STX1A: variants seen among roughly 807,000 people sequenced by gnomAD.
The protein encoded by STX1A is syntaxin-1A.
Under a neutral mutation model 37.8 loss-of-function variants are expected in STX1A, and 4 were observed. The ratio of observed to expected loss-of-function variants is 0.11; its 90% confidence interval spans 0.05 to 0.24. The LOEUF is 0.24. Ranked by LOEUF, STX1A falls within the 10% of genes least tolerant of loss-of-function variation. STX1A has a pLI of 1.00. For synonymous variants in STX1A, 135 were observed against 147.4 expected (o/e 0.92, Z 0.61); for missense variants, 251 against 399.9 (o/e 0.63, Z 3.18).
rs1584237399 is a variant in STX1A, at chr7:73,700,600, G to T, written c.790-116C>A. On this transcript the variant is annotated intron_variant, in intron 9 of 9. Transcript: ENST00000222812. The surrounding 1 kb of genome is among the most constrained non-coding windows in gnomAD (Gnocchi z 4.4). ...GGGGATCCAAGCAGGGGAAGGTGACGGCCTGGGAGGGGGCTGTCATGGGGA... is the reference window on the plus strand; with the variant it reads ...GGGGATCCAAGCAGGGGAAGGTGACTGCCTGGGAGGGGGCTGTCATGGGGA... 1 of 1,490,874 alleles carries T rather than the reference G, an allele frequency of 6.7e-7. No individual in the cohort carries two copies. 92.4% of individuals were successfully genotyped at this position (1,490,874 alleles called of 1,614,324 possible). A position where few individuals can be genotyped will look rare whatever the true frequency, so the allele number is the denominator to read the frequency against.
intron 6 of STX1A, 60 bp downstream of exon 6, chr7:73,704,088 A>C (rs567228051): frequency 6.0e-6 from 9 of 1,510,082 alleles, no homozygotes; most frequent in South Asian, 1.2e-5. Flanking sequence ...ACTCAGCAGC[A>C]GACTCGGGCC....
chr7:73,704,074 ACGCACTCAGCAGCAGACTCGGGCCC>A lies in STX1A; in HGVS notation c.466+49_466+73del, dbSNP rs1798775067. On this transcript the variant is annotated intron_variant, in intron 6 of 9. Transcript: ENST00000222812. ...CCTAACTAAGCAGCAGCCTTGAGCCACGCACTCAGCAGCAGACTCGGGCCCCGCCCCTCCAGGCTCCAGGCCCCGC... is the reference window on the plus strand; with the variant it reads ...CCTAACTAAGCAGCAGCCTTGAGCCACGCCCCTCCAGGCTCCAGGCCCCGC... 3 of 1,456,408 alleles carry A rather than the reference ACGCACTCAGCAGCAGACTCGGGCCC, an allele frequency of 2.1e-6. No individual in the cohort carries two copies. In the South Asian group the frequency reaches 3.7e-5, roughly 18 times the overall value. 90.2% of individuals were successfully genotyped at this position (1,456,408 alleles called of 1,614,324 possible).
At chr7:73,710,755 G>A (rs782301445) in intron 1 of STX1A, among the ~76,000 whole-genome samples, 3 of 152,194 alleles carry the variant, frequency 2.0e-5, no homozygotes, top group Non-Finnish European at 2.9e-5. Flanking sequence ...AGTGCCTCAC[G>A]GGAGTGGCCA....
intron 8 of STX1A, among the ~76,000 whole-genome samples, chr7:73,701,647 C>G (rs973023612): frequency 1.3e-5 from 2 of 152,216 alleles, no homozygotes; most frequent in Non-Finnish European, 2.9e-5. Flanking sequence ...CCACAAGACT[C>G]CTAGGGCGTG....
chr7:73,700,649 T>C lies in STX1A; in HGVS notation c.789+81A>G. 4 of 1,531,216 alleles carry C rather than the reference T, an allele frequency of 2.6e-6. No individual in the cohort carries two copies. The highest frequency in any genetic ancestry group is 3.5e-6 in the Non-Finnish European group (4 of 1,130,506). 94.9% of individuals were successfully genotyped at this position (1,531,216 alleles called of 1,614,324 possible). A position where few individuals can be genotyped will look rare whatever the true frequency, so the allele number is the denominator to read the frequency against. The stretch of plus-strand genomic sequence containing the variant: ...GAGCTCCTGAGAGAAGGGAGAGAGG[T>C]GGGATGGGGAGGGATGTGGGATGGT... On this transcript the variant is annotated intron_variant, in intron 9 of 9. Transcript: ENST00000222812. The surrounding 1 kb of genome is among the most constrained non-coding windows in gnomAD (Gnocchi z 4.4).
chr7:73,702,719 T>G lies in STX1A; in HGVS notation c.678+126A>C. 3 of 1,544,324 alleles carry G rather than the reference T, an allele frequency of 1.9e-6. No individual in the cohort carries two copies. The highest frequency in any genetic ancestry group is 1.9e-5 in the Admixed American group (1 of 53,494). Reference sequence around the variant, plus strand: ...CCCTGGCGGCAGTTTCAACAGCGGGTGATTGGTTACCTGAGAACTTGGTCC... The same window carrying G: ...CCCTGGCGGCAGTTTCAACAGCGGGGGATTGGTTACCTGAGAACTTGGTCC... On this transcript the variant is annotated intron_variant, in intron 8 of 9. Transcript: ENST00000222812. This position sits in a 1 kb window ranked among gnomAD's most constrained non-coding sequence, Gnocchi z 4.7.
At chr7:73,708,974 T>A in intron 2 of STX1A, 71 bp downstream of exon 2, 1 of 1,553,400 alleles carries the variant, frequency 6.4e-7, no homozygotes, top group South Asian at 1.1e-5. Flanking sequence ...GCACTGAACC[T>A]GGCTCAGAGG....
rs1346214112 is a variant in STX1A, at chr7:73,709,494, T to C, written c.31-372A>G. Reference sequence around the variant, plus strand: ...CCCCTAGGCCCCTAGGACAGCTGCCTGGAAAGTGCATTCTCTACTCTCCTG... The same window carrying C: ...CCCCTAGGCCCCTAGGACAGCTGCCCGGAAAGTGCATTCTCTACTCTCCTG... On this transcript the variant is annotated intron_variant, in intron 1 of 9. Transcript: ENST00000222812. This position sits in a 1 kb window ranked among gnomAD's most constrained non-coding sequence, Gnocchi z 4.2. 2.6e-5 allele frequency among the ~76,000 whole-genome samples: 4 copies of C among 152,124 alleles called. No homozygotes were observed. The highest frequency in any genetic ancestry group is 9.7e-5 in the African/African-American group (4 of 41,416).
At position 73,700,378 on chromosome 7, in the gene STX1A, C is replaced by T; in HGVS notation, c.*29G>A. On this transcript the variant is annotated 3_prime_UTR_variant, in exon 10 of 10. Coordinates refer to ENST00000222812, the MANE Select transcript of STX1A (RefSeq NM_004603.4). This position sits in a 1 kb window ranked among gnomAD's most constrained non-coding sequence, Gnocchi z 4.4. The stretch of plus-strand genomic sequence containing the variant: ...CCAGGGCCTCCTTGGAGTGGCCCAC[C>T]TGGAGTGGAGTGGCAGTTTGGGTGG... 1 of 1,612,422 alleles carries T rather than the reference C, an allele frequency of 6.2e-7. No individual in the cohort carries two copies. The highest frequency in any genetic ancestry group is 8.5e-7 in the Non-Finnish European group (1 of 1,178,540).
At position 73,706,317 on chromosome 7, in the gene STX1A, G is replaced by A. The variant is rs1430537433; in HGVS notation, c.209-1093C>T. 9.9e-5 allele frequency among the ~76,000 whole-genome samples: 15 copies of A among 152,184 alleles called. No individual in the cohort carries two copies. The highest frequency in any genetic ancestry group is 7.2e-5 in the African/African-American group (3 of 41,444). On this transcript the variant is annotated intron_variant, in intron 3 of 9. Coordinates refer to ENST00000222812, the MANE Select transcript of STX1A (RefSeq NM_004603.4). The surrounding 1 kb of genome is among the most constrained non-coding windows in gnomAD (Gnocchi z 4.6). ...CATCCGTAGGAACAAAGGAAAAGTCGGTTACCAGCTGCTCTGACGTCTCAG... is the reference window on the plus strand; with the variant it reads ...CATCCGTAGGAACAAAGGAAAAGTCAGTTACCAGCTGCTCTGACGTCTCAG...
At chr7:73,714,026 C>T (rs868957367) in intron 1 of STX1A, among the ~76,000 whole-genome samples, 15 of 152,340 alleles carry the variant, frequency 9.8e-5, no homozygotes, top group East Asian at 1.9e-4. Flanking sequence ...AACTGCCTAG[C>T]GCAGAACCCC....
intron 3 of STX1A, among the ~76,000 whole-genome samples, chr7:73,707,383 A>G (rs10246419): frequency 0.56 from 85,099 of 152,022 alleles, 24,101 homozygotes; most frequent in Middle Eastern, 0.69. Context: ...GGGGTGCCAC[A>G]TGGCCAGGTG....
Position 73,717,277 on chromosome 7 carries a change from T to TCAGCCCAGCC in STX1A, c.30+2315_30+2324dup, listed in dbSNP as rs782280966. Among the ~76,000 whole-genome samples, 2 of 151,944 alleles carry TCAGCCCAGCC rather than the reference T, an allele frequency of 1.3e-5. No individual in the cohort carries two copies. Among genetic ancestry groups the TCAGCCCAGCC allele is most frequent in the Admixed American group, 1.3e-4 (2 of 15,248 alleles). On this transcript the variant is annotated intron_variant, in intron 1 of 9. Transcript: ENST00000222812. The surrounding 1 kb of genome is among the most constrained non-coding windows in gnomAD (Gnocchi z 4.1). ...CCGCTGTCCCCAGCACCATCTCTGT[T>TCAGCCCAGCC]CAGCCCAGCCCAGCCCAGCCCGCCC...
chr7:73,714,030 G>A (rs61000576), intron 1 of STX1A, among the ~76,000 whole-genome samples: 2 of 151,912 alleles, frequency 1.3e-5, no homozygotes, highest in African/African-American at 2.4e-5. Context: ...GCCTAGCGCA[G>A]AACCCCAAGC....
At position 73,700,275 on chromosome 7, in the gene STX1A, G is replaced by A. The variant is rs1798600033; in HGVS notation, c.*132C>T. On this transcript the variant is annotated 3_prime_UTR_variant, in exon 10 of 10. Transcript: ENST00000222812. This position sits in a 1 kb window ranked among gnomAD's most constrained non-coding sequence, Gnocchi z 4.4. ...GGACGGAGGGCCCATGGCAGAGAAGGGAGCATGGGGGCCGGGAGGGAGGGT... is the reference window on the plus strand; with the variant it reads ...GGACGGAGGGCCCATGGCAGAGAAGAGAGCATGGGGGCCGGGAGGGAGGGT... 1.3e-6 allele frequency: 1 copy of A among 797,188 alleles called. No homozygotes were observed. Among genetic ancestry groups the A allele is most frequent in the East Asian group, 2.6e-5 (1 of 38,122 alleles). 49.4% of individuals were successfully genotyped at this position (797,188 alleles called of 1,614,324 possible).
chr7:73,713,504 G>C (rs546291226), intron 1 of STX1A, among the ~76,000 whole-genome samples: 25 of 152,352 alleles, frequency 1.6e-4, no homozygotes, highest in Admixed American at 2.6e-4. Context: ...CAAGGTGGGA[G>C]GATTACTTGA....
At chr7:73,714,432 G>A (rs533732972) in intron 1 of STX1A, among the ~76,000 whole-genome samples, 2 of 151,568 alleles carry the variant, frequency 1.3e-5, no homozygotes, top group African/African-American at 2.4e-5. Context: ...ACAGAATCTC[G>A]CTTTGTTGTC....
chr7:73,702,996 C>T lies in STX1A; in HGVS notation c.541-14G>A, dbSNP rs1554616153. On this transcript the variant is annotated splice_polypyrimidine_tract_variant and intron_variant, in intron 7 of 9. Transcript: ENST00000222812. The surrounding 1 kb of genome is among the most constrained non-coding windows in gnomAD (Gnocchi z 4.7). ...GTCCATGATGATCTGGGGGTGGGAG[C>T]AGGGGGCTGGGACCCAGAGGCTTGC... 4 of 1,509,794 alleles carry T rather than the reference C, an allele frequency of 2.6e-6. No homozygotes were observed. The highest frequency in any genetic ancestry group is 3.5e-6 in the Non-Finnish European group (4 of 1,128,782). 93.5% of individuals were successfully genotyped at this position (1,509,794 alleles called of 1,614,324 possible).
At chr7:73,704,962 G>T in intron 4 of STX1A, 188 bp downstream of exon 4, 1 of 664,250 alleles carries the variant, frequency 1.5e-6, no homozygotes, top group African/African-American at 1.8e-5. Flanking sequence ...GTGTCCCTGG[G>T]CCCAGCCCAG....
Sources: allele counts gnomAD v4.1 joint callset (sites outside exome capture counted in the v4.1 genomes callset), GRCh38; gene constraint gnomAD v4.1.1; non-coding constraint Gnocchi (gnomAD v3.1); transcripts MANE v1.5; gene names NCBI Gene and HGNC (gene_info 2026-07-23, HGNC 2026-07-21).